Variants in TRIOBP observed in about 807,000 individuals in gnomAD.
TRIOBP encodes TRIO and F-actin-binding protein.
Under a neutral mutation model 238.8 loss-of-function variants are expected in TRIOBP, and 169 were observed. That is an observed-to-expected ratio of 0.71 (90% CI 0.62 to 0.80). The LOEUF is 0.80. Among genes scored for constraint, TRIOBP ranks in the 30% least tolerant of loss-of-function variants. The pLI, the probability that TRIOBP is intolerant of heterozygous loss-of-function variation, is 0.00. For synonymous variants in TRIOBP, 1,150 were observed against 1,274.4 expected, an observed-to-expected ratio of 0.90 and a Z score of 2.08; for missense variants, 2,838 against 3,122.6, an observed-to-expected ratio of 0.91 and a Z score of 2.17.
At position 37,767,834 on chromosome 22, in the gene TRIOBP, C is replaced by G. The variant is rs563590344; in HGVS notation, c.6473-240C>G. Among the ~76,000 whole-genome samples, 3 of 152,278 alleles carry G rather than the reference C, an allele frequency of 2.0e-5. No homozygotes were observed. The South Asian group carries it at 6.2e-4, about 32-fold the overall frequency. On this transcript the variant is annotated intron_variant, in intron 18 of 23. Coordinates refer to ENST00000644935, the MANE Select transcript of TRIOBP (RefSeq NM_001039141.3). ...GGATTATCTTCCCTTAATAGATGGG[C>G]TGAGAGAGGTTGAGAGCTTACCCCA...
chr22:37,751,376 A>G (rs1474115300), intron 11 of TRIOBP: 1 of 350,758 alleles, frequency 2.9e-6, no homozygotes, highest in East Asian at 7.3e-5. Context: ...AGAGGGAGGA[A>G]CTGGACAGTT....
At chr22:37,711,596 C>CA (rs1344830476) in intron 4 of TRIOBP, among the ~76,000 whole-genome samples, 9 of 10,488 alleles carry the variant, frequency 8.6e-4, no homozygotes, top group African/African-American at 1.2e-3. Flanking sequence ...AAAAAAACAA[C>CA]AAAAAAAAAA....
Position 37,769,120 on chromosome 22 carries a change from C to T in TRIOBP, c.6668C>T (p.Ala2223Val), listed in dbSNP as rs756195025. 1.2e-6 allele frequency: 2 copies of T among 1,613,276 alleles called. No individual in the cohort carries two copies. The highest frequency in any genetic ancestry group is 1.7e-6 in the Non-Finnish European group (2 of 1,180,000). ...CLEIGALMRQ[A>V]EEREHTLRRC... Reference sequence around the variant, plus strand: ...GAGATTGGGGCACTCATGCGGCAGGCTGAGGAGCGCGAGCACACGCTGCGC... The same window carrying T: ...GAGATTGGGGCACTCATGCGGCAGGTTGAGGAGCGCGAGCACACGCTGCGC... Residue 2223 changes from alanine to valine, a missense_variant, in exon 20 of 24, where the codon GCT becomes GTT. Around this residue, in one of 5 missense-constraint regions of TRIOBP, gnomAD observed 2,096 missense variants for 2,137.4 expected, o/e 0.98. Transcript: ENST00000644935.
In TRIOBP at chr22:37,776,383, A is replaced by G. The variant is rs1927032281; in HGVS notation, c.*2603A>G. On this transcript the variant is annotated 3_prime_UTR_variant, in exon 24 of 24. Coordinates refer to ENST00000644935, the MANE Select transcript of TRIOBP (RefSeq NM_001039141.3). ...ACGGCAGGAAACTGACCAGCTTCTC[A>G]TCAAGTTAAATACGCATCTACCCTA... 6.6e-6 allele frequency: 1 copy of G among 152,224 alleles called. No homozygotes were observed. The highest frequency in any genetic ancestry group is 2.1e-4 in the South Asian group (1 of 4,830). The allele number at this position is 152,224 out of a possible 1,614,324, so 9.4% of individuals were successfully genotyped here. A position where few individuals can be genotyped will look rare whatever the true frequency, so the allele number is the denominator to read the frequency against.
At chr22:37,713,047 T>C (rs1011894613) in intron 4 of TRIOBP, among the ~76,000 whole-genome samples, 163 bp from the exon 5 acceptor site, 5 of 150,536 alleles carry the variant, frequency 3.3e-5, no homozygotes, top group African/African-American at 1.2e-4. Context: ...AATGAGGCAA[T>C]CCATATAAAA....
At position 37,713,461 on chromosome 22, in the gene TRIOBP, C is replaced by T. The variant is rs1923362644; in HGVS notation, c.456+50C>T. ...GGACAAGAGTGGCTCACACCTCCAT[C>T]TGCAGCCCTGGGTCCCACCTAAACC... On this transcript the variant is annotated intron_variant, in intron 5 of 23. Transcript: ENST00000644935. The T allele has an allele frequency of 3.1e-6, 5 of 1,593,922 alleles. No individual in the cohort carries two copies. In the South Asian group the frequency reaches 5.5e-5, roughly 18 times the overall value.
At chr22:37,742,274 TTTA>T (rs1924974377) in intron 11 of TRIOBP, among the ~76,000 whole-genome samples, 1 of 144,692 alleles carries the variant, frequency 6.9e-6, no homozygotes, top group African/African-American at 2.6e-5. Context: ...TTTTTTTTTT[TTTA>T]AATTAAGATA....
At chr22:37,723,079 G>C (rs1031755963) in intron 6 of TRIOBP, 106 bp from the exon 7 acceptor site, 2 of 1,089,658 alleles carry the variant, frequency 1.8e-6, no homozygotes, top group East Asian at 2.6e-5. Context: ...TAGGAGGAGG[G>C]TGTGGGGTTT....
intron 6 of TRIOBP, among the ~76,000 whole-genome samples, chr22:37,718,706 A>G (rs930757641): frequency 6.6e-6 from 1 of 152,118 alleles, no homozygotes; most frequent in Admixed American, 6.5e-5. Flanking sequence ...CTCATAGGAC[A>G]AAAAGCGGCT....
At position 37,769,208 on chromosome 22, in the gene TRIOBP, G is replaced by A. The variant is rs528201436; in HGVS notation, c.6735+21G>A. 8 of 1,592,158 alleles carry A rather than the reference G, an allele frequency of 5.0e-6. No homozygotes were observed. In the South Asian group the frequency reaches 7.9e-5, roughly 16 times the overall value. On this transcript the variant is annotated intron_variant, in intron 20 of 23. Coordinates refer to ENST00000644935, the MANE Select transcript of TRIOBP (RefSeq NM_001039141.3). ...ACCAGGTGGGCCTGGCCCCAGGTTG[G>A]GGGGACACGGGTGGGTCCCGGCACC...
chr22:37,705,332 A>C (rs1233496806), intron 3 of TRIOBP, among the ~76,000 whole-genome samples: 1 of 146,530 alleles, frequency 6.8e-6, no homozygotes, highest in Non-Finnish European at 1.5e-5. Context: ...CCAAGATTGC[A>C]CCACTGTACT....
rs1480138972 is a variant in TRIOBP at position 37,734,462 on chromosome 22, C to T, written c.4126C>T (p.Pro1376Ser). 3.1e-6 allele frequency: 5 copies of T among 1,612,956 alleles called. 1 individual carries two copies. In the Admixed American group the frequency reaches 8.3e-5, roughly 27 times the overall value. ...GCGGAGCCAAGCAGAGCCCCCTCAT[C>T]CTTGGAGTCCTGAGAAGAGACCTGA... ...TRRSQAEPPH[P>S]WSPEKRPEGD... Residue 1376 changes from proline (P) to serine (S), a missense_variant, in exon 9 of 24, where the codon CCT becomes TCT. Around this residue, in one of 5 missense-constraint regions of TRIOBP, gnomAD observed 2,096 missense variants for 2,137.4 expected, o/e 0.98. Coordinates refer to ENST00000644935, the MANE Select transcript of TRIOBP (RefSeq NM_001039141.3).
At chr22:37,740,273 C>G (rs777816692) in intron 10 of TRIOBP, among the ~76,000 whole-genome samples, 4 of 152,268 alleles carry the variant, frequency 2.6e-5, no homozygotes, top group Non-Finnish European at 5.9e-5. Context: ...CTCTGCTTCA[C>G]AGGGGCCTTG....
chr22:37,711,532 T>C (rs1277431799), intron 4 of TRIOBP, among the ~76,000 whole-genome samples: 2 of 138,466 alleles, frequency 1.4e-5, no homozygotes, highest in Non-Finnish European at 3.0e-5. Flanking sequence ...TGAGTTGAGA[T>C]CGTGCCATTA....
Position 37,726,302 on chromosome 22 carries a change from C to T in TRIOBP, c.3746C>T (p.Ser1249Phe). Residue 1249 changes from serine to phenylalanine, a missense_variant, in exon 7 of 24, where the codon TCT becomes TTT. Coordinates refer to ENST00000644935, the MANE Select transcript of TRIOBP (RefSeq NM_001039141.3). The part of the protein sequence containing the change: ...FLAPSPSPGS[S>F]GGSRGSAPPG... ...GCACCCTCACCTTCACCGGGCAGCT[C>T]TGGGGGCTCCCGGGGCTCAGCGCCT... 1 of 1,612,900 alleles carries T rather than the reference C, an allele frequency of 6.2e-7. No individual in the cohort carries two copies. Among genetic ancestry groups the T allele is most frequent in the Non-Finnish European group, 8.5e-7 (1 of 1,179,960 alleles).
rs1569046322 is a variant in TRIOBP, at chr22:37,734,702, C to T, written c.4366C>T (p.Pro1456Ser). 6.2e-7 allele frequency: 1 copy of T among 1,607,364 alleles called. No homozygotes were observed. The highest frequency in any genetic ancestry group is 8.5e-7 in the Non-Finnish European group (1 of 1,177,386). The change falls in exon 9 of 24, where the codon CCT becomes TCT. Residue 1456 changes from proline to serine, a missense_variant. Coordinates refer to ENST00000644935, the MANE Select transcript of TRIOBP (RefSeq NM_001039141.3). ...GAGCAGCCAGGAGGGAGGCCTGGGC[C>T]CTGGGGGCTGGTGGGGATGTGGAGA... ...SWSSQEGGLG[P>S]GGWWGCGEPS...
At chr22:37,734,019 C>T (rs756633886) in intron 8 of TRIOBP, among the ~76,000 whole-genome samples, 1 of 152,226 alleles carries the variant, frequency 6.6e-6, no homozygotes, top group Non-Finnish European at 1.5e-5. Flanking sequence ...AAGAATCTGG[C>T]TCTAAGGGCC....
At chr22:37,746,141 G>C (rs1042995063) in intron 11 of TRIOBP, 3 of 989,602 alleles carry the variant, frequency 3.0e-6, no homozygotes, top group Admixed American at 1.2e-4. Flanking sequence ...CCATTGGCCC[G>C]CCGCGGCCCC....
intron 7 of TRIOBP, among the ~76,000 whole-genome samples, chr22:37,727,616 C>T (rs550001431): frequency 3.6e-4 from 55 of 151,746 alleles, no homozygotes; most frequent in African/African-American, 1.1e-3. Context: ...TGCAGTGAGC[C>T]GAGATCGTAC....
Sources: gnomAD v4.1 joint callset for allele counts (sites outside exome capture counted in the v4.1 genomes callset) on GRCh38, gnomAD v4.1.1 for gene constraint, gnomAD v4.1.1 regional missense constraint, MANE v1.5 for transcripts, NCBI Gene and HGNC (gene_info 2026-07-23, HGNC 2026-07-21) for gene names.